The following GSE1 variants were observed in gnomAD, a reference collection of about 807,000 sequenced individuals.
GSE1 encodes the protein genetic suppressor element 1.
In GSE1, 32 loss-of-function variants were observed where a neutral mutation model predicts 112.6. The observed-to-expected ratio is 0.28, with a 90% CI of 0.21 to 0.38. GSE1 has a LOEUF of 0.38. Ranked by LOEUF, GSE1 falls within the 10% of genes least tolerant of loss-of-function variation. GSE1 has a pLI of 1.00. For synonymous variants in GSE1, 1,115 were observed against 735.6 expected (o/e 1.52, Z -8.35); for missense variants, 2,348 against 1,699.2 (o/e 1.38, Z -6.71).
At chr16:85,222,342 C>T (rs1018684328) in intron 1 of GSE1, among the ~76,000 whole-genome samples, 3 of 152,222 alleles carry the variant, frequency 2.0e-5, no homozygotes, top group African/African-American at 7.2e-5. Context: ...CAGGCCTCGG[C>T]ATTGGTGGAG....
At chr16:85,555,298 C>T (rs1419097562), upstream of GSE1, 23 of 985,298 alleles carry the variant, frequency 2.3e-5, no homozygotes, top group Non-Finnish European at 2.8e-5. Flanking sequence ...TCCTTCTGCC[C>T]AGGCGCCAGA....
intron 2 of GSE1, chr16:85,357,703 GGGAT>G: frequency 8.8e-7 from 1 of 1,130,220 alleles, no homozygotes; most frequent in Non-Finnish European, 1.2e-6. Flanking sequence ...TGTCCCAGCA[GGGAT>G]GGGGGCTCCC....
chr16:85,668,086 G>A (rs1451116555), intron 13 of GSE1, 54 bp from the exon 14 acceptor site: 17 of 1,383,848 alleles, frequency 1.2e-5, no homozygotes, highest in Middle Eastern at 2.5e-4. Context: ...TTCTGAGACA[G>A]CACCCTGTGT....
At chr16:85,502,400 C>A (rs2051399870) in intron 2 of GSE1, among the ~76,000 whole-genome samples, 1 of 152,148 alleles carries the variant, frequency 6.6e-6, no homozygotes, top group Non-Finnish European at 1.5e-5. Context: ...GGACAGCTCC[C>A]AGGAGGGAGG....
At chr16:85,396,740 G>T (rs1431778925) in intron 2 of GSE1, among the ~76,000 whole-genome samples, 1 of 152,258 alleles carries the variant, frequency 6.6e-6, no homozygotes, top group East Asian at 1.9e-4. Flanking sequence ...CCCCCGTGGG[G>T]ACTTGACCCA....
intron 1 of GSE1, among the ~76,000 whole-genome samples, chr16:85,289,828 C>T (rs907227618): frequency 4.6e-5 from 7 of 152,152 alleles, no homozygotes; most frequent in Non-Finnish European, 1.0e-4. Flanking sequence ...TGGGGGGCTC[C>T]TTCATGTTGG....
At chr16:85,429,915 C>T (rs188831784) in intron 2 of GSE1, among the ~76,000 whole-genome samples, 1 of 152,362 alleles carries the variant, frequency 6.6e-6, no homozygotes, top group Admixed American at 6.5e-5. Context: ...GCTGTCAGCT[C>T]CACCAGTGAC....
intron 2 of GSE1, among the ~76,000 whole-genome samples, chr16:85,417,753 G>A (rs374485641): frequency 2.6e-5 from 4 of 152,264 alleles, no homozygotes; most frequent in Admixed American, 6.5e-5. Context: ...AGCATCCGTC[G>A]CAGGACGTGT....
At position 85,656,449 on chromosome 16, in the gene GSE1, GAGA is replaced by G. The variant is rs1358109408; in HGVS notation, c.1099_1101del (p.Lys367del). The G allele has an allele frequency of 1.9e-6, 3 of 1,555,830 alleles. No individual in the cohort carries two copies. Among genetic ancestry groups the G allele is most frequent in the Non-Finnish European group, 1.7e-6 (2 of 1,147,234 alleles). ...GGAGAAGGAACGTGAGCGCGAACGC[GAGA>G]AGGAGCGCGAGCAAGAGAAGGAGCG... is the stretch of plus-strand genomic sequence containing the variant. On this transcript the variant is annotated inframe_deletion, in exon 7 of 16. Coordinates refer to ENST00000253458, the MANE Select transcript of GSE1 (RefSeq NM_014615.5).
rs574764678 is a variant in GSE1 at position 85,327,774 on chromosome 16, T to C, written c.2284-29689T>C. 3.3e-5 allele frequency among the ~76,000 whole-genome samples: 5 copies of C among 152,334 alleles called. No individual in the cohort carries two copies. In the South Asian group the frequency reaches 1.0e-3, roughly 32 times the overall value. ...ATGGATTCATACAGGCCATTGACCC[T>C]TTCCACATGCCCATTTTACGGATCA... On this transcript the variant is annotated intron_variant, in intron 1 of 2. Transcript: ENST00000637419.
intron 2 of GSE1, among the ~76,000 whole-genome samples, chr16:85,444,329 C>T (rs1030750451): frequency 7.9e-5 from 12 of 152,146 alleles, no homozygotes; most frequent in African/African-American, 2.9e-4. Context: ...GCAAAGGCAA[C>T]CAGGGGACAG....
chr16:85,425,699 C>T (rs902275554), intron 2 of GSE1, among the ~76,000 whole-genome samples: 8 of 152,042 alleles, frequency 5.3e-5, no homozygotes, highest in Non-Finnish European at 8.8e-5. Context: ...ACCCATCGCA[C>T]TGAGCAGTCT....
chr16:85,655,583 A>T (rs2051848747), intron 5 of GSE1, 143 bp from the exon 6 acceptor site: 3 of 591,684 alleles, frequency 5.1e-6, no homozygotes, highest in Admixed American at 6.5e-5. Context: ...GGCTAGCAGC[A>T]GGCATGGTCT....
chr16:85,175,956 T>C (rs2074455149), intron 1 of GSE1, among the ~76,000 whole-genome samples: 2 of 152,188 alleles, frequency 1.3e-5, no homozygotes, highest in Admixed American at 1.3e-4. Context: ...GAGTCTGTGC[T>C]CCAGCCTCTA....
chr16:85,291,857 C>T (rs1233014606), intron 1 of GSE1, among the ~76,000 whole-genome samples: 1 of 152,226 alleles, frequency 6.6e-6, no homozygotes, highest in African/African-American at 2.4e-5. Flanking sequence ...TCGTCCCTCT[C>T]ACCACAAAGG....
At chr16:85,614,581 G>A (rs2048248466) in intron 1 of GSE1, among the ~76,000 whole-genome samples, 1 of 152,210 alleles carries the variant, frequency 6.6e-6, no homozygotes, top group Admixed American at 6.5e-5. Flanking sequence ...CCCTTTCCAC[G>A]TGGTGGGCCG....
At chr16:85,471,400 AT>A (rs1450277563) in intron 2 of GSE1, among the ~76,000 whole-genome samples, 1 of 152,130 alleles carries the variant, frequency 6.6e-6, no homozygotes, top group African/African-American at 2.4e-5. Flanking sequence ...TTCAGCCCAC[AT>A]TTATTTAGTT....
upstream of GSE1, among the ~76,000 whole-genome samples, chr16:85,610,346 C>T (rs150790514): frequency 3.2e-4 from 49 of 152,284 alleles, no homozygotes; most frequent in Admixed American, 5.2e-4. Context: ...GAGCTGTGCC[C>T]AGGAAGGGCT....
chr16:85,338,498 C>G (rs2046553517), intron 1 of GSE1, among the ~76,000 whole-genome samples: 1 of 152,220 alleles, frequency 6.6e-6, no homozygotes, highest in Non-Finnish European at 1.5e-5. Context: ...ATGATAGCAC[C>G]TATGTCATAG....
Sources: gnomAD v4.1 joint callset for allele counts (sites outside exome capture counted in the v4.1 genomes callset) on GRCh38, gnomAD v4.1.1 for gene constraint, MANE v1.5 for transcripts, NCBI Gene and HGNC (gene_info 2026-07-23, HGNC 2026-07-21) for gene names.